ASIC2: variants seen among roughly 807,000 people sequenced by gnomAD.
ASIC2 encodes the protein acid-sensing ion channel 2.
In ASIC2, 25 loss-of-function variants were observed where a neutral mutation model predicts 57.3. That is an observed-to-expected ratio of 0.44 (90% CI 0.32 to 0.61). The LOEUF (loss-of-function observed/expected upper bound fraction) is 0.61, where lower values mean the gene tolerates loss of function less well. ASIC2 is among the 20% of genes least tolerant of loss of function. The probability of loss-of-function intolerance (pLI) is 0.06; values close to 1 mark genes in which losing one functional copy is unlikely to be tolerated. For missense variants in ASIC2, 641 were observed against 738.1 expected, an observed-to-expected ratio of 0.87 and a Z score of 1.52; for synonymous variants, 319 against 307.5, an observed-to-expected ratio of 1.04 and a Z score of -0.39.
intron 1 of ASIC2, among the ~76,000 whole-genome samples, chr17:33,455,287 C>T (rs1912408958): frequency 6.6e-6 from 1 of 152,156 alleles, no homozygotes; most frequent in African/African-American, 2.4e-5. Flanking sequence ...GAATGATCCC[C>T]TCACCCAGGT....
At chr17:33,524,468 AT>A (rs1321386223) in intron 1 of ASIC2, among the ~76,000 whole-genome samples, 2 of 152,212 alleles carry the variant, frequency 1.3e-5, no homozygotes, top group African/African-American at 4.8e-5. Flanking sequence ...TATGATGGAA[AT>A]GAGAATTTAT....
intron 1 of ASIC2, among the ~76,000 whole-genome samples, chr17:33,335,593 T>C (rs537139607): frequency 2.0e-5 from 3 of 152,088 alleles, no homozygotes; most frequent in Non-Finnish European, 1.5e-5. Context: ...TAAATCCATA[T>C]GCGTGGGGAC....
intron 1 of ASIC2, among the ~76,000 whole-genome samples, chr17:33,200,831 T>C (rs1022733541): frequency 1.3e-5 from 2 of 152,158 alleles, no homozygotes; most frequent in Non-Finnish European, 2.9e-5. Context: ...TCCATCACCC[T>C]CAGAGTAATG....
intron 1 of ASIC2, among the ~76,000 whole-genome samples, chr17:33,662,017 C>T (rs570674220): frequency 6.6e-6 from 1 of 152,282 alleles, no homozygotes; most frequent in African/African-American, 2.4e-5. Context: ...ACCATTCTTG[C>T]TCACTTCTTC....
chr17:33,817,467 C>T (rs1912618267), intron 1 of ASIC2, among the ~76,000 whole-genome samples: 1 of 152,162 alleles, frequency 6.6e-6, no homozygotes, highest in Non-Finnish European at 1.5e-5. Context: ...CTGCCTTCTG[C>T]TTAGTCTTGG....
At chr17:33,660,657 G>A (rs1161979209) in intron 1 of ASIC2, among the ~76,000 whole-genome samples, 2 of 152,032 alleles carry the variant, frequency 1.3e-5, no homozygotes, top group African/African-American at 4.8e-5. Context: ...TACCTGACTG[G>A]CAGCATGGTA....
At chr17:33,259,602 A>G (rs1472979005) in intron 1 of ASIC2, among the ~76,000 whole-genome samples, 3 of 151,966 alleles carry the variant, frequency 2.0e-5, no homozygotes, top group Non-Finnish European at 2.9e-5. Flanking sequence ...AGATACCAAA[A>G]CAGCAAGATG....
chr17:33,662,390 G>A (rs1242354610), intron 1 of ASIC2, among the ~76,000 whole-genome samples: 1 of 152,044 alleles, frequency 6.6e-6, no homozygotes, highest in Non-Finnish European at 1.5e-5. Context: ...GGAGACCGAG[G>A]TGGACAGATC....
intron 1 of ASIC2, among the ~76,000 whole-genome samples, chr17:33,588,869 C>G (rs969682368): frequency 2.6e-5 from 4 of 152,182 alleles, no homozygotes; most frequent in African/African-American, 9.7e-5. Flanking sequence ...TGTTAGTAAA[C>G]TGTGTATCAT....
chr17:33,826,613 T>G (rs891662900), intron 1 of ASIC2, among the ~76,000 whole-genome samples: 1 of 152,158 alleles, frequency 6.6e-6, no homozygotes, highest in African/African-American at 2.4e-5. Flanking sequence ...GTTTCAGAGC[T>G]AGGGAAGGAC....
At chr17:33,363,894 C>G (rs527600714) in intron 1 of ASIC2, among the ~76,000 whole-genome samples, 1 of 152,302 alleles carries the variant, frequency 6.6e-6, no homozygotes, top group South Asian at 2.1e-4. Flanking sequence ...GGGCAGCCAC[C>G]TGGGCTTTGG....
rs769714774 is a variant in ASIC2, at chr17:33,088,916, C to G, written c.934G>C (p.Gly312Arg). 1 of 1,614,050 alleles carries G rather than the reference C, an allele frequency of 6.2e-7. No individual in the cohort carries two copies. The highest frequency in any genetic ancestry group is 8.5e-7 in the Non-Finnish European group (1 of 1,179,974). The part of the protein sequence containing the change: ...QSEPPFIQEL[G>R]FGVAPGFQTF... ...TGGAACCCTGGAGCCACCCCAAAGC[C>G]CAGCTCTTGGATGAAAGGTGGCTCA... The change falls in exon 3 of 10, where the codon GGC (glycine) becomes CGC (arginine). Residue 312 changes from glycine to arginine, a missense_variant. Coordinates refer to ENST00000225823, the MANE Select transcript of ASIC2 (RefSeq NM_183377.2).
intron 1 of ASIC2, among the ~76,000 whole-genome samples, chr17:33,302,523 G>T (rs940436047): frequency 6.6e-6 from 1 of 152,086 alleles, no homozygotes; most frequent in Non-Finnish European, 1.5e-5. Context: ...GAGATTTAAG[G>T]CCAAGCTGAT....
chr17:34,039,171 T>C, intron 1 of ASIC2: 3 of 1,614,008 alleles, frequency 1.9e-6, no homozygotes, highest in Non-Finnish European at 2.5e-6. Flanking sequence ...AATCATCTAT[T>C]CTTCCCTCCT....
At chr17:33,759,044 T>G (rs996175935) in intron 1 of ASIC2, among the ~76,000 whole-genome samples, 10 of 152,018 alleles carry the variant, frequency 6.6e-5, no homozygotes, top group African/African-American at 2.4e-4. Flanking sequence ...TAGATCCTAG[T>G]GAGGGCTTAA....
chr17:33,170,501 T>A (rs900670664), intron 1 of ASIC2, among the ~76,000 whole-genome samples: 8 of 152,116 alleles, frequency 5.3e-5, no homozygotes, highest in Admixed American at 1.3e-4. Context: ...TGGAAAAATA[T>A]CCAGGAGAGG....
rs186180662 is a variant in ASIC2 at position 33,827,436 on chromosome 17, G to A, written c.555+328542C>T. On this transcript the variant is annotated intron_variant, in intron 1 of 9. Transcript: ENST00000359872. ...AAGCTCTGCCTCCCAGGTTCACGCC[G>A]TTCTCCTGCCTCAGCCTCCCAAGTA... Among the ~76,000 whole-genome samples, 159 of 145,742 alleles carry A rather than the reference G, an allele frequency of 1.1e-3. 1 individual carries two copies. The highest frequency in any genetic ancestry group is 3.7e-3 in the African/African-American group (144 of 39,380).
chr17:33,139,919 A>G (rs1256245120), intron 1 of ASIC2, among the ~76,000 whole-genome samples: 1 of 152,248 alleles, frequency 6.6e-6, no homozygotes, highest in Non-Finnish European at 1.5e-5. Context: ...AGTCTTCCCT[A>G]AAATGGGACT....
chr17:33,538,102 G>T (rs147320811), intron 1 of ASIC2, among the ~76,000 whole-genome samples: 1 of 152,156 alleles, frequency 6.6e-6, no homozygotes, highest in East Asian at 1.9e-4. Flanking sequence ...CATGCAGTAA[G>T]TGTTCAATAA....
Sources: allele counts gnomAD v4.1 joint callset (sites outside exome capture counted in the v4.1 genomes callset), GRCh38; gene constraint gnomAD v4.1.1; transcripts MANE v1.5; gene names NCBI Gene and HGNC (gene_info 2026-07-23, HGNC 2026-07-21).